The following IL1RAPL2 variants were observed in gnomAD, a reference collection of about 807,000 sequenced individuals.
IL1RAPL2 encodes X-linked interleukin-1 receptor accessory protein-like 2.
IL1RAPL2 carries 3 observed loss-of-function variants against 44.1 expected under a neutral mutation model. The ratio of observed to expected loss-of-function variants is 0.07; its 90% confidence interval spans 0.03 to 0.18. The LOEUF (loss-of-function observed/expected upper bound fraction) is 0.18. Among genes scored for constraint, IL1RAPL2 ranks in the 10% least tolerant of loss-of-function variants. IL1RAPL2 has a pLI of 1.00. For synonymous variants in IL1RAPL2, 181 were observed against 178.8 expected, an observed-to-expected ratio of 1.01 and a Z score of -0.10; for missense variants, 391 against 496.4, an observed-to-expected ratio of 0.79 and a Z score of 2.02.
chrX:104,612,840 A>G (rs1331650787), intron 1 of IL1RAPL2, among the ~76,000 whole-genome samples: 3 of 111,175 alleles, frequency 2.7e-5, no homozygotes, highest in Admixed American at 9.6e-5. Flanking sequence ...GTTTGTATCT[A>G]TAATTTATTT....
chrX:105,121,895 G>T (rs2032929142), intron 2 of IL1RAPL2, among the ~76,000 whole-genome samples: 1 of 111,035 alleles, frequency 9.0e-6, no homozygotes, highest in Non-Finnish European at 1.9e-5. Context: ...CCTTGTGTAT[G>T]CCTCACTGTC....
At chrX:105,320,846 C>T (rs1040957386) in intron 5 of IL1RAPL2, among the ~76,000 whole-genome samples, 8 of 111,671 alleles carry the variant, frequency 7.2e-5, no homozygotes, top group African/African-American at 2.6e-4. Context: ...TTGAACCAGG[C>T]CTGATTTGAA....
intron 6 of IL1RAPL2, among the ~76,000 whole-genome samples, chrX:105,671,162 C>G (rs1357401904): frequency 9.0e-6 from 1 of 110,604 alleles, no homozygotes; most frequent in Non-Finnish European, 1.9e-5. Context: ...GGCCAAGGTG[C>G]TCTCAAACTC....
chrX:105,023,703 T>C (rs2031318939), intron 2 of IL1RAPL2, among the ~76,000 whole-genome samples: 1 of 111,650 alleles, frequency 9.0e-6, no homozygotes, highest in Non-Finnish European at 1.9e-5. Flanking sequence ...ACATAGATGC[T>C]TAGGGAAAGA....
intron 2 of IL1RAPL2, among the ~76,000 whole-genome samples, chrX:104,879,333 G>C (rs1453870452): frequency 7.5e-5 from 4 of 53,430 alleles, no homozygotes; most frequent in Non-Finnish European, 1.0e-4. Context: ...ACCCAAACAC[G>C]TTAATTTGTA....
At position 105,640,727 on chromosome X, in the gene IL1RAPL2, T is replaced by C. The variant is rs1257738997; in HGVS notation, c.773-76640T>C. On this transcript the variant is annotated intron_variant, in intron 6 of 10. Coordinates refer to ENST00000372582, the MANE Select transcript of IL1RAPL2 (RefSeq NM_017416.2). Reference sequence around the variant, plus strand: ...ATACATATATATACACACACATATCTATATATATAGATATAGATAGATATA... The same window carrying C: ...ATACATATATATACACACACATATCCATATATATAGATATAGATAGATATA... Among the ~76,000 whole-genome samples the C allele has an allele frequency of 4.5e-5, 4 of 88,526 alleles. No individual in the cohort carries two copies. In the East Asian group the frequency reaches 1.0e-3, roughly 23 times the overall value. The allele number at this position is 88,526 out of a possible 115,157, so 76.9% of individuals were successfully genotyped here. A position where few individuals can be genotyped will look rare whatever the true frequency, so the allele number is the denominator to read the frequency against.
Position 105,012,674 on chromosome X carries a change from C to CACACACACACAGAG in IL1RAPL2, c.83-182800_83-182799insCACACACACAGAGA, listed in dbSNP as rs1258556672. On this transcript the variant is annotated intron_variant, in intron 2 of 10. Transcript: ENST00000372582. ...ACACACACACACACACACACACACA[C>CACACACACACAGAG]AGAGAGAGAGAGAGAGAATAATAAA... Among the ~76,000 whole-genome samples the CACACACACACAGAG allele has an allele frequency of 4.7e-3, 379 of 81,097 alleles. 5 individuals are homozygous for CACACACACACAGAG. The highest frequency in any genetic ancestry group is 0.021 in the African/African-American group (359 of 16,848). The allele number at this position is 81,097 out of a possible 115,157, so 70.4% of individuals were successfully genotyped here.
intron 2 of IL1RAPL2, among the ~76,000 whole-genome samples, chrX:104,948,825 T>C (rs1440694390): frequency 9.1e-6 from 1 of 110,057 alleles, no homozygotes. Flanking sequence ...TTTGCCAGTA[T>C]TTTATTGAGG....
intron 6 of IL1RAPL2, among the ~76,000 whole-genome samples, chrX:105,607,124 G>A (rs2037299248): frequency 9.0e-6 from 1 of 111,030 alleles, no homozygotes; most frequent in Non-Finnish European, 1.9e-5. Flanking sequence ...CACATTGTGT[G>A]TACCAAAATA....
intron 5 of IL1RAPL2, among the ~76,000 whole-genome samples, chrX:105,373,732 A>G (rs934237387): frequency 9.0e-6 from 1 of 111,395 alleles, no homozygotes; most frequent in African/African-American, 3.3e-5. Flanking sequence ...AATATTCTGC[A>G]TATGGCTTGC....
intron 2 of IL1RAPL2, among the ~76,000 whole-genome samples, chrX:104,963,029 C>T (rs938778016): frequency 8.9e-6 from 1 of 111,857 alleles, no homozygotes; most frequent in Non-Finnish European, 1.9e-5. Flanking sequence ...GTAACCAGTT[C>T]GTCCCATTAC....
chrX:104,729,319 C>T (rs1456182947), intron 2 of IL1RAPL2, among the ~76,000 whole-genome samples: 1 of 110,413 alleles, frequency 9.1e-6, no homozygotes, highest in Non-Finnish European at 1.9e-5. Context: ...AGGGCTTGAT[C>T]ATCGTCCCAA....
chrX:105,257,698 T>C (rs1743244097), intron 4 of IL1RAPL2, among the ~76,000 whole-genome samples: 4 of 112,485 alleles, frequency 3.6e-5, no homozygotes, highest in Admixed American at 1.9e-4. Flanking sequence ...CCCTTTTCTA[T>C]ATTTTAATCT....
At chrX:104,618,006 G>A in intron 1 of IL1RAPL2, among the ~76,000 whole-genome samples, 1 of 111,683 alleles carries the variant, frequency 9.0e-6, no homozygotes. Context: ...CATGCAGGTA[G>A]GATTTCTTCT....
chrX:104,608,079 G>A (rs1460381675), intron 1 of IL1RAPL2, among the ~76,000 whole-genome samples: 2 of 111,504 alleles, frequency 1.8e-5, no homozygotes, highest in South Asian at 7.6e-4. Context: ...GTCCTTTGCA[G>A]GGACATTGAT....
intron 2 of IL1RAPL2, among the ~76,000 whole-genome samples, chrX:105,097,155 C>T (rs1431682255): frequency 3.7e-5 from 4 of 108,549 alleles, no homozygotes; most frequent in African/African-American, 1.4e-4. Flanking sequence ...TGTGAAACCC[C>T]ATCCCTACTA....
intron 6 of IL1RAPL2, among the ~76,000 whole-genome samples, chrX:105,711,840 G>C (rs1248932283): frequency 8.9e-6 from 1 of 111,912 alleles, no homozygotes; most frequent in East Asian, 2.8e-4. Flanking sequence ...TTTCAAGTAA[G>C]TCCAAAACCC....
intron 2 of IL1RAPL2, among the ~76,000 whole-genome samples, chrX:104,822,176 A>C (rs1369022408): frequency 9.0e-6 from 1 of 111,005 alleles, no homozygotes; most frequent in African/African-American, 3.3e-5. Flanking sequence ...AGATTGTAAA[A>C]ATTTTCTCCC....
At chrX:104,804,602 C>T (rs1932908285) in intron 2 of IL1RAPL2, among the ~76,000 whole-genome samples, 1 of 112,122 alleles carries the variant, frequency 8.9e-6, no homozygotes, top group Admixed American at 9.5e-5. Flanking sequence ...GTTGTGGACA[C>T]AGAGAAGGAA....
Sources: allele counts gnomAD v4.1 joint callset (sites outside exome capture counted in the v4.1 genomes callset), GRCh38; gene constraint gnomAD v4.1.1; transcripts MANE v1.5; gene names NCBI Gene and HGNC (gene_info 2026-07-23, HGNC 2026-07-21).